Variants in PDE1C observed in about 807,000 individuals in gnomAD.
PDE1C encodes the protein phosphodiesterase 1C.
In PDE1C, 62 loss-of-function variants were observed where a neutral mutation model predicts 93.1. That is an observed-to-expected ratio of 0.67 (90% CI 0.54 to 0.82). PDE1C has a LOEUF of 0.82. Ranked by LOEUF, PDE1C falls within the 40% of genes least tolerant of loss-of-function variation. The pLI is 0.00. For missense variants in PDE1C, 742 were observed against 884.6 expected, an observed-to-expected ratio of 0.84 and a Z score of 2.04; for synonymous variants, 325 against 310.1, an observed-to-expected ratio of 1.05 and a Z score of -0.50.
the PDE1C span, among the ~76,000 whole-genome samples, chr7:31,719,108 G>T: frequency 6.6e-6 from 1 of 152,190 alleles, no homozygotes; most frequent in African/African-American, 2.4e-5. Context: ...GTTACATCCA[G>T]GTTGTGCAAT....
At chr7:31,823,037 T>C (rs769476675) in intron 14 of PDE1C, 36 bp downstream of exon 14, 16 of 1,531,552 alleles carry the variant, frequency 1.0e-5, no homozygotes, top group East Asian at 4.7e-5. Context: ...CCTTGTTTTA[T>C]GCTGAATTGG....
intron 1 of PDE1C, among the ~76,000 whole-genome samples, chr7:32,395,525 G>A (rs570792727): frequency 7.9e-5 from 12 of 152,268 alleles, no homozygotes; most frequent in East Asian, 3.9e-4. Flanking sequence ...GGACAGGTGC[G>A]CAGAAGCCAG....
intron 3 of PDE1C, among the ~76,000 whole-genome samples, chr7:32,138,726 T>G (rs1800345900): frequency 6.6e-6 from 1 of 152,224 alleles, no homozygotes; most frequent in Non-Finnish European, 1.5e-5. Context: ...TGAGGATTGT[T>G]AATTCCAGCT....
At chr7:31,646,693 A>G in the PDE1C span, among the ~76,000 whole-genome samples, 68 of 152,218 alleles carry the variant, frequency 4.5e-4, no homozygotes, top group Non-Finnish European at 7.6e-4. Context: ...ACACTTTGTC[A>G]TATCAGCACT....
At chr7:31,711,882 C>A in the PDE1C span, among the ~76,000 whole-genome samples, 2 of 152,158 alleles carry the variant, frequency 1.3e-5, no homozygotes, top group Admixed American at 6.5e-5. Context: ...TGCTTCCCCC[C>A]ACCCTGCTTT....
intron 1 of PDE1C, among the ~76,000 whole-genome samples, chr7:32,410,274 T>A (rs1785139724): frequency 6.6e-6 from 1 of 151,548 alleles, no homozygotes; most frequent in African/African-American, 2.4e-5. Context: ...CAGAGTGCAG[T>A]GAGCTATGAT....
At chr7:32,312,920 A>C (rs1783082673) in intron 1 of PDE1C, among the ~76,000 whole-genome samples, 1 of 152,200 alleles carries the variant, frequency 6.6e-6, no homozygotes, top group African/African-American at 2.4e-5. Context: ...TAATTAAACT[A>C]AAGAGCTTCT....
intron 1 of PDE1C, chr7:32,298,614 C>G: frequency 6.4e-7 from 1 of 1,571,632 alleles, no homozygotes; most frequent in South Asian, 1.2e-5. Context: ...GGGCGTTTGC[C>G]CGAGCCAGGA....
At chr7:31,987,672 T>C (rs866239127) in intron 2 of PDE1C, among the ~76,000 whole-genome samples, 3 of 152,238 alleles carry the variant, frequency 2.0e-5, no homozygotes, top group South Asian at 2.1e-4. Flanking sequence ...TATGTGTTTT[T>C]TGTTTTTCTT....
At chr7:32,152,873 A>G (rs1801344058) in intron 3 of PDE1C, among the ~76,000 whole-genome samples, 1 of 152,220 alleles carries the variant, frequency 6.6e-6, no homozygotes, top group African/African-American at 2.4e-5. Flanking sequence ...TATAATTATA[A>G]CTATGAGAAT....
chr7:31,823,066 A>G lies in PDE1C; in HGVS notation c.1582+7T>C. On this transcript the variant is annotated splice_region_variant and intron_variant, in intron 14 of 17. Coordinates refer to ENST00000396191, the MANE Select transcript of PDE1C (RefSeq NM_001191057.4). ...GAATTGGTTTGGACAGGTCTGTGGC[A>G]TGTTACCTTTGGGTACCTTGGCCCT... is the stretch of plus-strand genomic sequence containing the variant. 6.2e-7 allele frequency: 1 copy of G among 1,606,426 alleles called. No homozygotes were observed. Among genetic ancestry groups the G allele is most frequent in the Admixed American group, 1.7e-5 (1 of 59,204 alleles).
chr7:32,341,624 T>C (rs73316138), intron 1 of PDE1C, among the ~76,000 whole-genome samples: 6,297 of 152,150 alleles, frequency 0.041, 412 homozygotes, highest in African/African-American at 0.14. Context: ...GGAGTGGGCA[T>C]AGTGGATTCA....
chr7:31,903,853 G>C (rs1276819090), intron 2 of PDE1C, among the ~76,000 whole-genome samples: 1 of 152,018 alleles, frequency 6.6e-6, no homozygotes. Flanking sequence ...AATTACATTT[G>C]CAACTTTAGT....
At chr7:32,319,135 C>A (rs895776080) in intron 1 of PDE1C, among the ~76,000 whole-genome samples, 1 of 152,250 alleles carries the variant, frequency 6.6e-6, no homozygotes, top group Admixed American at 6.5e-5. Flanking sequence ...AGCCTCCCTG[C>A]TCCCGACGCC....
At chr7:32,187,552 T>C (rs1267304030) in intron 2 of PDE1C, among the ~76,000 whole-genome samples, 1 of 152,212 alleles carries the variant, frequency 6.6e-6, no homozygotes, top group Non-Finnish European at 1.5e-5. Context: ...ACATTCTGTT[T>C]TCTAATTTTA....
intron 2 of PDE1C, among the ~76,000 whole-genome samples, chr7:31,911,990 T>C (rs1397516882): frequency 6.6e-6 from 1 of 152,176 alleles, no homozygotes; most frequent in Non-Finnish European, 1.5e-5. Flanking sequence ...GCTTTCATAT[T>C]CTCTGTTGTG....
chr7:32,050,587 T>C (rs961124772), intron 2 of PDE1C, among the ~76,000 whole-genome samples: 3 of 152,068 alleles, frequency 2.0e-5, no homozygotes, highest in Non-Finnish European at 4.4e-5. Flanking sequence ...TATATATATA[T>C]ACACATATGA....
chr7:32,218,627 C>T (rs542066408), intron 1 of PDE1C, among the ~76,000 whole-genome samples: 99 of 152,366 alleles, frequency 6.5e-4, no homozygotes, highest in African/African-American at 2.3e-3. Context: ...CAATCTATTT[C>T]TTCCCTGGAC....
At chr7:31,904,885 G>A (rs1028671156) in intron 2 of PDE1C, among the ~76,000 whole-genome samples, 26 of 152,056 alleles carry the variant, frequency 1.7e-4, no homozygotes, top group African/African-American at 6.0e-4. Flanking sequence ...GTAGTTGAAT[G>A]TGTTACCTAG....
Sources: gnomAD v4.1 joint callset for allele counts (sites outside exome capture counted in the v4.1 genomes callset) on GRCh38, gnomAD v4.1.1 for gene constraint, MANE v1.5 for transcripts, NCBI Gene and HGNC (gene_info 2026-07-23, HGNC 2026-07-21) for gene names.